Variants in SLC25A26 observed in about 807,000 individuals in gnomAD.
SLC25A26 encodes mitochondrial S-adenosylmethionine carrier protein.
A neutral mutation model predicts 37.8 loss-of-function variants in SLC25A26; 36 were observed. That is an observed-to-expected ratio of 0.95 (90% CI 0.73 to 1.26). The LOEUF is 1.26. SLC25A26 is among the 50% of genes most tolerant of loss of function. SLC25A26 has a pLI of 0.00. For synonymous variants in SLC25A26, 129 were observed against 122.5 expected (o/e 1.05, Z -0.35); for missense variants, 390 against 331.1 (o/e 1.18, Z -1.38).
At chr3:66,256,756 G>A (rs1225179098) in intron 3 of SLC25A26, among the ~76,000 whole-genome samples, 1 of 152,054 alleles carries the variant, frequency 6.6e-6, no homozygotes. Context: ...AATTAGCAGG[G>A]TGTGGTGGCA....
intron 1 of SLC25A26, among the ~76,000 whole-genome samples, chr3:66,142,621 T>A (rs755541274): frequency 1.3e-5 from 2 of 152,156 alleles, no homozygotes; most frequent in Non-Finnish European, 2.9e-5. Flanking sequence ...TTACACCCCT[T>A]TTGTCCAATG....
intron 1 of SLC25A26, among the ~76,000 whole-genome samples, chr3:66,136,799 C>G (rs909994573): frequency 1.3e-5 from 2 of 152,194 alleles, no homozygotes; most frequent in African/African-American, 2.4e-5. Context: ...TTTTCCCTTT[C>G]AGGACTTGTT....
chr3:66,312,712 C>T (rs2075416719), intron 5 of SLC25A26, among the ~76,000 whole-genome samples: 1 of 152,118 alleles, frequency 6.6e-6, no homozygotes, highest in Non-Finnish European at 1.5e-5. Flanking sequence ...TGCACCATTC[C>T]TCATGACACA....
chr3:66,215,982 T>C (rs1679696206), intron 1 of SLC25A26, among the ~76,000 whole-genome samples: 2 of 152,276 alleles, frequency 1.3e-5, no homozygotes, highest in South Asian at 2.1e-4. Flanking sequence ...GCTTCCAAGA[T>C]GGTACTTTTG....
chr3:66,366,055 A>G (rs1260056824), intron 7 of SLC25A26, among the ~76,000 whole-genome samples: 1 of 152,210 alleles, frequency 6.6e-6, no homozygotes, highest in East Asian at 1.9e-4. Flanking sequence ...TTTGTTCCCC[A>G]AGGAAATAGG....
intron 5 of SLC25A26, among the ~76,000 whole-genome samples, chr3:66,335,923 A>G (rs1484447298): frequency 6.6e-6 from 1 of 152,142 alleles, no homozygotes; most frequent in East Asian, 1.9e-4. Flanking sequence ...GGAGGAAGGA[A>G]GGAGAGTAGA....
chr3:66,189,542 A>G (rs2070895993), intron 1 of SLC25A26, among the ~76,000 whole-genome samples: 2 of 152,206 alleles, frequency 1.3e-5, no homozygotes. Context: ...GTTGAGTTTG[A>G]ACATGAAATC....
rs142179974 is a variant in SLC25A26, at chr3:66,340,953, ATG to A, written c.454-5397_454-5396del. Among the ~76,000 whole-genome samples, 9 of 151,522 alleles carry A rather than the reference ATG, an allele frequency of 5.9e-5. No homozygotes were observed. The East Asian group carries it at 9.7e-4, about 16-fold the overall frequency. On this transcript the variant is annotated intron_variant, in intron 5 of 9. Coordinates refer to ENST00000354883, the MANE Select transcript of SLC25A26 (RefSeq NM_001379210.1). ...AGAAATTCTGTTGGAGAGAGAGAGA[ATG>A]TGTGTGTGTGTGTTGATTCCTTAAG... is the stretch of plus-strand genomic sequence containing the variant.
Position 66,236,620 on chromosome 3 carries a change from C to T in SLC25A26, c.110C>T (p.Pro37Leu). 1 of 1,526,474 alleles carries T rather than the reference C, an allele frequency of 6.6e-7. No individual in the cohort carries two copies. The highest frequency in any genetic ancestry group is 8.8e-7 in the Non-Finnish European group (1 of 1,139,814). The allele number at this position is 1,526,474 out of a possible 1,614,324, so 94.6% of individuals were successfully genotyped here. A position where few individuals can be genotyped will look rare whatever the true frequency, so the allele number is the denominator to read the frequency against. The change falls in exon 2 of 10, where the codon CCC (proline) becomes CTC (leucine). Residue 37 changes from proline (P) to leucine (L), a missense_variant. Physicochemically the swap from Pro to Leu is moderately conservative, Grantham distance 98. Transcript: ENST00000354883. ...LDTIKTRLQS[P>L]QGFSKAGGFH... ...ACCATTAAAACCAGGCTGCAGAGTCCCCAAGGATTTAGTAAGGCTGGTGGT... is the reference window on the plus strand; with the variant it reads ...ACCATTAAAACCAGGCTGCAGAGTCTCCAAGGATTTAGTAAGGCTGGTGGT...
intron 5 of SLC25A26, among the ~76,000 whole-genome samples, chr3:66,297,576 A>G (rs1166721478): frequency 1.3e-5 from 2 of 152,132 alleles, no homozygotes; most frequent in Non-Finnish European, 2.9e-5. Context: ...AAGTTGTTTA[A>G]TCTCTCTGGG....
chr3:66,142,506 C>A (rs1358685077), intron 1 of SLC25A26, among the ~76,000 whole-genome samples: 1 of 152,140 alleles, frequency 6.6e-6, no homozygotes, highest in Non-Finnish European at 1.5e-5. Flanking sequence ...GAGATGGCCA[C>A]ACTATACTCA....
chr3:66,307,854 T>C (rs1022225726), intron 5 of SLC25A26, among the ~76,000 whole-genome samples: 3 of 152,138 alleles, frequency 2.0e-5, no homozygotes, highest in Non-Finnish European at 4.4e-5. Flanking sequence ...GTTCCATTGG[T>C]TTATGTATCT....
rs140601426 is a variant in SLC25A26 at position 66,175,949 on chromosome 3, C to T, written c.-354+41965C>T. Among the ~76,000 whole-genome samples, 584 of 152,174 alleles carry T rather than the reference C, an allele frequency of 3.8e-3. 2 individuals are homozygous for T. Among genetic ancestry groups the T allele is most frequent in the South Asian group, 7.7e-3 (37 of 4,822 alleles). ...GTTGACACATAAAATTAATTATCACCCATACAGACATGGCATAATATCTAT... is the reference window on the plus strand; with the variant it reads ...GTTGACACATAAAATTAATTATCACTCATACAGACATGGCATAATATCTAT... On this transcript the variant is annotated intron_variant, in intron 1 of 10. Transcript: ENST00000676754.
At chr3:66,325,497 A>C (rs76921695) in intron 5 of SLC25A26, among the ~76,000 whole-genome samples, 15 of 152,328 alleles carry the variant, frequency 9.8e-5, no homozygotes, top group Non-Finnish European at 1.9e-4. Flanking sequence ...TTAGAATGTA[A>C]TGAGTGCTTT....
At chr3:66,310,856 G>T (rs11719304) in intron 5 of SLC25A26, among the ~76,000 whole-genome samples, 1 of 152,200 alleles carries the variant, frequency 6.6e-6, no homozygotes, top group African/African-American at 2.4e-5. Context: ...TCTACAGAGA[G>T]ATCTGCTGTT....
chr3:66,195,025 C>G (rs1464732577), intron 1 of SLC25A26, among the ~76,000 whole-genome samples: 1 of 152,208 alleles, frequency 6.6e-6, no homozygotes, highest in Non-Finnish European at 1.5e-5. Flanking sequence ...GTCTGCCCAC[C>G]CCAATCCCAC....
chr3:66,244,221 C>T (rs999042862), intron 3 of SLC25A26, among the ~76,000 whole-genome samples: 28 of 152,166 alleles, frequency 1.8e-4, no homozygotes, highest in African/African-American at 5.5e-4. Flanking sequence ...GGAAAAAATA[C>T]GTAAGGCAAA....
intron 5 of SLC25A26, among the ~76,000 whole-genome samples, chr3:66,344,009 A>T (rs2076266738): frequency 6.6e-6 from 1 of 152,126 alleles, no homozygotes; most frequent in South Asian, 2.1e-4. Context: ...ATGATAACAA[A>T]CTTCTCTGAG....
chr3:66,303,302 C>T (rs1460728063), intron 5 of SLC25A26, among the ~76,000 whole-genome samples: 1 of 152,194 alleles, frequency 6.6e-6, no homozygotes, highest in Non-Finnish European at 1.5e-5. Context: ...CTGCAAGTAT[C>T]TTTAAGGCGC....
Sources: gnomAD v4.1 joint callset for allele counts (sites outside exome capture counted in the v4.1 genomes callset) on GRCh38, gnomAD v4.1.1 for gene constraint, MANE v1.5 for transcripts, NCBI Gene and HGNC (gene_info 2026-07-23, HGNC 2026-07-21) for gene names.